Variants in PTPRD observed in about 807,000 individuals in gnomAD.
PTPRD encodes the protein protein tyrosine phosphatase receptor type D.
PTPRD carries 34 observed loss-of-function variants against 214.5 expected under a neutral mutation model. The ratio of observed to expected loss-of-function variants is 0.16; its 90% confidence interval spans 0.12 to 0.21. The LOEUF is 0.21. Ranked by LOEUF, PTPRD falls within the 10% of genes least tolerant of loss-of-function variation. The pLI, the probability that PTPRD is intolerant of heterozygous loss-of-function variation, is 1.00. For missense variants in PTPRD, 2,545 were observed against 2,398.7 expected (o/e 1.06, Z -1.27); for synonymous variants, 1,128 against 845.7 (o/e 1.33, Z -5.79).
At chr9:10,503,810 T>G (rs1439684043) in intron 2 of PTPRD, among the ~76,000 whole-genome samples, 1 of 151,868 alleles carries the variant, frequency 6.6e-6, no homozygotes, top group Non-Finnish European at 1.5e-5. Context: ...GGAAAGAGAC[T>G]GTAATTTTAG....
intron 5 of PTPRD, among the ~76,000 whole-genome samples, chr9:9,862,452 A>G (rs1213437946): frequency 1.3e-5 from 2 of 152,334 alleles, no homozygotes; most frequent in East Asian, 3.9e-4. Flanking sequence ...GTGAAAACAA[A>G]ACAAAACAAA....
chr9:8,964,192 G>GTTTTTTTTTTTTTTTTTT (rs71317391), intron 11 of PTPRD, among the ~76,000 whole-genome samples: 2 of 35,638 alleles, frequency 5.6e-5, no homozygotes, highest in African/African-American at 2.3e-4. Flanking sequence ...TCAGGGCTGT[G>GTTTTTTTTTTTTTTTTTT]TTTTTTTTTT....
intron 3 of PTPRD, among the ~76,000 whole-genome samples, chr9:10,304,059 T>C (rs2095965405): frequency 6.6e-6 from 1 of 152,170 alleles, no homozygotes; most frequent in South Asian, 2.1e-4. Context: ...AAAACGCTCA[T>C]CCACCACAAT....
intron 11 of PTPRD, among the ~76,000 whole-genome samples, chr9:8,779,875 G>C (rs990923803): frequency 3.4e-5 from 5 of 147,138 alleles, no homozygotes; most frequent in Admixed American, 6.9e-5. Context: ...TGATCAACAA[G>C]AGATGTCATT....
intron 9 of PTPRD, among the ~76,000 whole-genome samples, chr9:9,210,595 T>C (rs111614987): frequency 9.9e-5 from 15 of 152,252 alleles, no homozygotes; most frequent in African/African-American, 3.6e-4. Flanking sequence ...ATTTTTTTGC[T>C]TGAGAACACT....
At chr9:8,435,023 G>A (rs1292238484) in intron 35 of PTPRD, among the ~76,000 whole-genome samples, 1 of 152,138 alleles carries the variant, frequency 6.6e-6, no homozygotes, top group Non-Finnish European at 1.5e-5. Flanking sequence ...CAGAATAAAG[G>A]AAGATATAAC....
intron 10 of PTPRD, among the ~76,000 whole-genome samples, chr9:9,157,970 G>A (rs1417745608): frequency 2.0e-5 from 3 of 152,130 alleles, no homozygotes; most frequent in Non-Finnish European, 4.4e-5. Context: ...AACATGTAGT[G>A]TTCGGTTTTC....
chr9:9,714,269 G>A (rs190506557), intron 7 of PTPRD, among the ~76,000 whole-genome samples: 1 of 152,158 alleles, frequency 6.6e-6, no homozygotes, highest in African/African-American at 2.4e-5. Flanking sequence ...AGGGTCATTA[G>A]GTTGATATAT....
intron 3 of PTPRD, among the ~76,000 whole-genome samples, chr9:10,044,330 T>C (rs529821858): frequency 2.0e-5 from 3 of 151,956 alleles, no homozygotes; most frequent in Admixed American, 6.6e-5. Context: ...TACTAAATTT[T>C]TCTTTATATT....
chr9:8,530,004 C>G (rs563106746), intron 14 of PTPRD, among the ~76,000 whole-genome samples: 5 of 152,032 alleles, frequency 3.3e-5, no homozygotes, highest in Non-Finnish European at 7.4e-5. Flanking sequence ...TAAAATTACT[C>G]GAAAGCATAA....
rs139341377 is a variant in PTPRD at position 9,942,624 on chromosome 9, GCTTGGGTGGGCCGA to G, written c.-471-4028_-471-4015del. On this transcript the variant is annotated intron_variant, in intron 4 of 45. Transcript: ENST00000381196. ...GCTTCTACCGACAATCTACAAGATT[GCTTGGGTGGGCCGA>G]CTTCTACAATTTTGCAAATCTTACA... 1.2e-3 allele frequency among the ~76,000 whole-genome samples: 185 copies of G among 152,194 alleles called. 5 individuals carry two copies. The East Asian group carries it at 0.027, about 22-fold the overall frequency.
chr9:8,926,265 G>A (rs1194700756), intron 11 of PTPRD, among the ~76,000 whole-genome samples: 2 of 152,016 alleles, frequency 1.3e-5, no homozygotes, highest in African/African-American at 4.8e-5. Flanking sequence ...CCACCTCTGG[G>A]AAGCCTTCCT....
chr9:8,465,089 A>T (rs568241283), intron 32 of PTPRD, among the ~76,000 whole-genome samples: 4 of 152,086 alleles, frequency 2.6e-5, no homozygotes, highest in Non-Finnish European at 5.9e-5. Flanking sequence ...TCAACCAGGT[A>T]TTATGCAACA....
At chr9:9,362,310 G>C (rs917111787) in intron 9 of PTPRD, among the ~76,000 whole-genome samples, 1 of 150,976 alleles carries the variant, frequency 6.6e-6, no homozygotes, top group Non-Finnish European at 1.5e-5. Flanking sequence ...TAAATATATA[G>C]GCATATAAAA....
chr9:10,308,471 A>G (rs1268383294), intron 3 of PTPRD, among the ~76,000 whole-genome samples: 3 of 152,018 alleles, frequency 2.0e-5, no homozygotes, highest in Non-Finnish European at 2.9e-5. Context: ...GTAGCTTTGT[A>G]GTATATTTTG....
At chr9:8,547,187 A>T (rs2080429666) in intron 14 of PTPRD, among the ~76,000 whole-genome samples, 1 of 152,326 alleles carries the variant, frequency 6.6e-6, no homozygotes, top group East Asian at 1.9e-4. Flanking sequence ...TACATGTCCA[A>T]ATGAATCCAC....
Position 9,395,409 on chromosome 9 carries a change from G to T in PTPRD, c.-203+2040C>A, listed in dbSNP as rs1015622633. Among the ~76,000 whole-genome samples, 3 of 152,076 alleles carry T rather than the reference G, an allele frequency of 2.0e-5. No homozygotes were observed. The South Asian group carries it at 6.2e-4, about 31-fold the overall frequency. ...TACCTTGAGAGACTCTGAGTTAATT[G>T]GTTTGGGTACTACCCAGGTCTAACT... On this transcript the variant is annotated intron_variant, in intron 9 of 45. Coordinates refer to ENST00000381196, the MANE Select transcript of PTPRD (RefSeq NM_002839.4).
intron 4 of PTPRD, among the ~76,000 whole-genome samples, chr9:9,941,658 A>G (rs188137625): frequency 6.6e-6 from 1 of 152,326 alleles, no homozygotes; most frequent in Admixed American, 6.5e-5. Context: ...GTCACAATGT[A>G]AGGAAAGGGT....
chr9:8,820,405 G>T lies in PTPRD; in HGVS notation c.-103-86459C>A, dbSNP rs186239494. Reference sequence around the variant, plus strand: ...GCTCTCATAACAGCTTTTTATTGAAGAGAGTATATTTAAATATACAGAATA... The same window carrying T: ...GCTCTCATAACAGCTTTTTATTGAATAGAGTATATTTAAATATACAGAATA... On this transcript the variant is annotated intron_variant, in intron 11 of 45. Transcript: ENST00000381196. 6.6e-5 allele frequency among the ~76,000 whole-genome samples: 10 copies of T among 152,124 alleles called. No homozygotes were observed. In the East Asian group the frequency reaches 1.9e-3, roughly 29 times the overall value.
Sources: gnomAD v4.1 joint callset for allele counts (sites outside exome capture counted in the v4.1 genomes callset) on GRCh38, gnomAD v4.1.1 for gene constraint, MANE v1.5 for transcripts, NCBI Gene and HGNC (gene_info 2026-07-23, HGNC 2026-07-21) for gene names.